RUNX1: variants seen among roughly 807,000 people sequenced by gnomAD.
RUNX1 encodes RUNX family transcription factor 1.
RUNX1 carries 19 observed loss-of-function variants against 42.8 expected under a neutral mutation model. The ratio of observed to expected loss-of-function variants is 0.44; its 90% CI spans 0.31 to 0.65. The LOEUF is 0.65. RUNX1 is among the 30% of genes least tolerant of loss of function. RUNX1 has a pLI of 0.07. For missense variants in RUNX1, 528 were observed against 672.0 expected (o/e 0.79, Z 2.37); for synonymous variants, 271 against 289.4 (o/e 0.94, Z 0.64).
At chr21:34,896,507 A>T (rs189940593) in intron 2 of RUNX1, among the ~76,000 whole-genome samples, 78 of 152,204 alleles carry the variant, frequency 5.1e-4, no homozygotes, top group Middle Eastern at 3.4e-3. Flanking sequence ...ACATGGTAAA[A>T]CCCTGTCTCT....
rs557950530 is a variant in RUNX1, at chr21:34,912,775, G to T, written c.59-19812C>A. ...TTGTTTCCAGATATACAGGACATGT[G>T]TGATGACAGATAGGATATGAACAGA... On this transcript the variant is annotated intron_variant, in intron 2 of 8. Coordinates refer to ENST00000675419, the MANE Select transcript of RUNX1 (RefSeq NM_001754.5). Among the ~76,000 whole-genome samples the T allele has an allele frequency of 1.8e-4, 28 of 152,362 alleles. No homozygotes were observed. The South Asian group carries it at 5.8e-3, about 32-fold the overall frequency.
chr21:34,895,038 T>C (rs1441277517), intron 2 of RUNX1, among the ~76,000 whole-genome samples: 5 of 152,128 alleles, frequency 3.3e-5, no homozygotes, highest in African/African-American at 1.2e-4. Context: ...AACTCTGATC[T>C]CATCTTTCAC....
intron 2 of RUNX1, among the ~76,000 whole-genome samples, chr21:34,987,713 C>A (rs1056130786): frequency 5.9e-5 from 9 of 152,038 alleles, no homozygotes; most frequent in African/African-American, 2.2e-4. Context: ...TAGGAGAGCA[C>A]CAAAGTATGT....
In RUNX1 at chr21:34,792,479, C is replaced by T. The variant is rs2145876825; in HGVS notation, c.1099G>A (p.Gly367Ser). Reference protein sequence around the residue: ...PTPVTSGIGIGMSAMGSATRY... With the variant: ...PTPVTSGIGISMSAMGSATRY... ...GTGGCCGAGCCCATGGCCGACATGC[C>T]GATGCCGATGCCCGAGGTGACCGGC... The change falls in exon 9 of 9, where the codon GGC (glycine) becomes AGC (serine). Residue 367 changes from glycine to serine, a missense_variant. This residue lies in a region of RUNX1 where 331 missense variants were observed against 382.5 expected (regional missense o/e 0.87). Transcript: ENST00000675419. The surrounding 1 kb of genome is among the most constrained non-coding windows in gnomAD (Gnocchi z 6.9). 6.3e-7 allele frequency: 1 copy of T among 1,588,248 alleles called. No homozygotes were observed. The highest frequency in any genetic ancestry group is 8.6e-7 in the Non-Finnish European group (1 of 1,167,398).
chr21:34,975,894 G>A (rs1176628049), intron 2 of RUNX1, among the ~76,000 whole-genome samples: 1 of 152,062 alleles, frequency 6.6e-6, no homozygotes, highest in Non-Finnish European at 1.5e-5. Flanking sequence ...ATAAAGGAGA[G>A]TTAAGGAAAG....
intron 2 of RUNX1, among the ~76,000 whole-genome samples, chr21:34,978,976 A>ACACACACACACACACACACG (rs2058825500): frequency 1.3e-5 from 2 of 151,616 alleles, no homozygotes; most frequent in Non-Finnish European, 2.9e-5. Flanking sequence ...ACACACACAC[A>ACACACACACACACACACACG]CACAGCATCT....
intron 2 of RUNX1, among the ~76,000 whole-genome samples, chr21:35,030,705 A>G (rs1354757626): frequency 6.6e-6 from 1 of 152,186 alleles, no homozygotes; most frequent in Non-Finnish European, 1.5e-5. Flanking sequence ...TACGCAACAA[A>G]AGCAACAGTA....
intron 2 of RUNX1, among the ~76,000 whole-genome samples, chr21:34,951,406 C>T (rs1054909770): frequency 6.6e-6 from 1 of 152,148 alleles, no homozygotes; most frequent in Admixed American, 6.5e-5. Context: ...GTTGCCATTG[C>T]TTTTGGTGTT....
At chr21:34,889,791 G>A (rs2058057190) in intron 3 of RUNX1, 2 of 1,136,978 alleles carry the variant, frequency 1.8e-6, no homozygotes, top group Non-Finnish European at 2.2e-6. Flanking sequence ...TGCCAACTCC[G>A]ACCCCGCCCG....
At chr21:34,839,785 A>C (rs552610471) in intron 6 of RUNX1, among the ~76,000 whole-genome samples, 1 of 152,266 alleles carries the variant, frequency 6.6e-6, no homozygotes, top group African/African-American at 2.4e-5. Flanking sequence ...GAATATCTGC[A>C]TGAGAGGGAG....
intron 2 of RUNX1, among the ~76,000 whole-genome samples, chr21:34,931,444 T>C (rs1194256132): frequency 1.4e-5 from 2 of 145,876 alleles, no homozygotes; most frequent in East Asian, 3.9e-4. Context: ...ATGTATACAA[T>C]ATATTATATA....
intron 6 of RUNX1, among the ~76,000 whole-genome samples, chr21:34,853,852 A>G (rs973867164): frequency 7.2e-6 from 1 of 139,140 alleles, no homozygotes; most frequent in Non-Finnish European, 1.5e-5. Context: ...TCACTCTGTC[A>G]CCCAGGCTGG....
intron 7 of RUNX1, among the ~76,000 whole-genome samples, chr21:34,826,431 TTTC>T (rs1337383614): frequency 2.0e-4 from 20 of 102,312 alleles, no homozygotes; most frequent in East Asian, 7.5e-4. Context: ...GTTTTCTTTC[TTTC>T]TTTTTTTTTT....
rs956885198 is a variant in RUNX1 at position 34,792,579 on chromosome 21, C to T, written c.999G>A (p.Pro333=). ...TAPDLTAFSD[P]RQFPALPSIS... is the part of the protein sequence containing the mutation. ...TGGAGGGCAGCGCGGGGAACTGGCGCGGGTCGCTGAACGCTGTCAGGTCGG... is the reference window on the plus strand; with the variant it reads ...TGGAGGGCAGCGCGGGGAACTGGCGTGGGTCGCTGAACGCTGTCAGGTCGG... Residue 333 remains proline (P), a synonymous_variant, in exon 9 of 9, where the codon CCG becomes CCA. Transcript: ENST00000675419. The surrounding 1 kb of genome is among the most constrained non-coding windows in gnomAD (Gnocchi z 6.9). The T allele has an allele frequency of 5.6e-6, 9 of 1,602,266 alleles. No homozygotes were observed. In the East Asian group the frequency reaches 1.6e-4, roughly 28 times the overall value.
chr21:35,042,049 C>T (rs1339282348), intron 2 of RUNX1, among the ~76,000 whole-genome samples: 2 of 152,166 alleles, frequency 1.3e-5, no homozygotes, highest in African/African-American at 4.8e-5. Context: ...AACCTCACAG[C>T]AAGGTGTGGT....
rs533193311 is a variant in RUNX1, at chr21:34,907,831, C to T, written c.59-14868G>A. Among the ~76,000 whole-genome samples the T allele has an allele frequency of 6.6e-6, 1 of 151,952 alleles. No homozygotes were observed. The highest frequency in any genetic ancestry group is 1.9e-4 in the East Asian group (1 of 5,198). On this transcript the variant is annotated intron_variant, in intron 2 of 8. Transcript: ENST00000675419. The surrounding 1 kb of genome is among the most constrained non-coding windows in gnomAD (Gnocchi z 5.3). ...AGCATTGGGTCATTTCGTTCAGAGGCGAAAAGATTCTTAGCAAACATTGGG... is the reference window on the plus strand; with the variant it reads ...AGCATTGGGTCATTTCGTTCAGAGGTGAAAAGATTCTTAGCAAACATTGGG...
At chr21:34,997,772 G>A (rs1433252732) in intron 2 of RUNX1, among the ~76,000 whole-genome samples, 1 of 152,212 alleles carries the variant, frequency 6.6e-6, no homozygotes, top group Non-Finnish European at 1.5e-5. Context: ...TAGTGCAGAA[G>A]GGGCCTTGCC....
intron 2 of RUNX1, among the ~76,000 whole-genome samples, chr21:34,914,757 G>A (rs142683973): frequency 3.0e-4 from 45 of 152,324 alleles, no homozygotes; most frequent in Middle Eastern, 3.4e-3. Context: ...TGGGAAGCCT[G>A]TGTGGCTGCA....
chr21:34,856,227 G>A (rs2057493421), intron 6 of RUNX1: 1 of 426,560 alleles, frequency 2.3e-6, no homozygotes, highest in East Asian at 7.1e-5. Context: ...TCAGCGGAAT[G>A]GCAGGTTGAA....
Sources: allele counts gnomAD v4.1 joint callset (sites outside exome capture counted in the v4.1 genomes callset), GRCh38; gene constraint gnomAD v4.1.1; regional missense constraint gnomAD v4.1.1; non-coding constraint Gnocchi (gnomAD v3.1); transcripts MANE v1.5; gene names NCBI Gene and HGNC (gene_info 2026-07-23, HGNC 2026-07-21).